Variants in XRCC4 observed in about 807,000 individuals in gnomAD.
The protein encoded by XRCC4 is X-ray repair cross complementing 4, also known as DNA repair protein XRCC4.
A neutral mutation model predicts 39.1 loss-of-function variants in XRCC4; 28 were observed. The observed-to-expected ratio is 0.72, with a 90% CI of 0.53 to 0.98. The LOEUF (loss-of-function observed/expected upper bound fraction) is 0.98, where lower values mean the gene tolerates loss of function less well. Among genes scored for constraint, XRCC4 ranks in the 50% least tolerant of loss-of-function variants. The probability of loss-of-function intolerance (pLI) is 0.00; values close to 1 mark genes in which losing one functional copy is unlikely to be tolerated. For synonymous variants in XRCC4, 123 were observed against 126.4 expected (o/e 0.97, Z 0.18); for missense variants, 350 against 376.4 (o/e 0.93, Z 0.58).
At chr5:83,178,749 A>G (rs907575252) in intron 3 of XRCC4, among the ~76,000 whole-genome samples, 2 of 152,168 alleles carry the variant, frequency 1.3e-5, no homozygotes, top group African/African-American at 4.8e-5. Context: ...GAGTTTGCAA[A>G]TGCTGGAGAG....
At chr5:83,371,732 A>G in the XRCC4 span, among the ~76,000 whole-genome samples, 1 of 152,202 alleles carries the variant, frequency 6.6e-6, no homozygotes, top group African/African-American at 2.4e-5. Context: ...CCATGATAAA[A>G]GGAAGACATT....
intron 7 of XRCC4, among the ~76,000 whole-genome samples, chr5:83,326,190 C>G (rs1008603929): frequency 4.6e-5 from 7 of 152,036 alleles, no homozygotes; most frequent in African/African-American, 1.7e-4. Context: ...AATTTTCACC[C>G]ATTCTGTAGG....
intron 1 of XRCC4, among the ~76,000 whole-genome samples, chr5:83,096,537 G>A (rs535004643): frequency 9.3e-4 from 141 of 152,208 alleles, no homozygotes; most frequent in Middle Eastern, 6.8e-3. Flanking sequence ...TGTGTGTCCA[G>A]GTGCAAGTTT....
At chr5:83,161,057 A>T (rs1749181779) in intron 3 of XRCC4, among the ~76,000 whole-genome samples, 1 of 151,950 alleles carries the variant, frequency 6.6e-6, no homozygotes, top group South Asian at 2.1e-4. Context: ...GAGGAAACTG[A>T]TGCAGTGAAA....
intron 3 of XRCC4, among the ~76,000 whole-genome samples, chr5:83,150,973 A>G (rs1246303431): frequency 1.3e-5 from 2 of 152,094 alleles, no homozygotes; most frequent in African/African-American, 4.8e-5. Flanking sequence ...TTATTCTGGT[A>G]TGATTCCTTT....
chr5:83,129,573 G>T (rs1261689557), intron 3 of XRCC4, among the ~76,000 whole-genome samples: 7 of 151,972 alleles, frequency 4.6e-5, no homozygotes, highest in Non-Finnish European at 1.0e-4. Flanking sequence ...GGGCAGTATG[G>T]CCATTTTCAC....
chr5:83,335,911 A>G (rs899757264), intron 7 of XRCC4, among the ~76,000 whole-genome samples: 3 of 152,034 alleles, frequency 2.0e-5, no homozygotes, highest in Non-Finnish European at 2.9e-5. Context: ...TTAAGTTGCA[A>G]ATCTCCTGTA....
intron 3 of XRCC4, among the ~76,000 whole-genome samples, chr5:83,119,636 T>G (rs1399402789): frequency 1.3e-5 from 2 of 152,210 alleles, no homozygotes; most frequent in Non-Finnish European, 2.9e-5. Flanking sequence ...TCATTATATC[T>G]TAACTTTTTT....
chr5:83,137,436 A>T (rs187759609), intron 3 of XRCC4, among the ~76,000 whole-genome samples: 2 of 152,314 alleles, frequency 1.3e-5, no homozygotes, highest in African/African-American at 4.8e-5. Context: ...AATATTGTTC[A>T]AATTACATAT....
chr5:83,089,955 G>A (rs1486144469), intron 1 of XRCC4, among the ~76,000 whole-genome samples: 1 of 152,152 alleles, frequency 6.6e-6, no homozygotes, highest in Non-Finnish European at 1.5e-5. Flanking sequence ...AGTTATGGTG[G>A]CAGGGGAACA....
In XRCC4 at chr5:83,134,551, T is replaced by G. The variant is rs534593858; in HGVS notation, c.315+23348T>G. 2.6e-5 allele frequency among the ~76,000 whole-genome samples: 4 copies of G among 152,166 alleles called. No individual in the cohort carries two copies. In the South Asian group the frequency reaches 6.2e-4, roughly 24 times the overall value. The stretch of plus-strand genomic sequence containing the variant: ...CTCTCTGTAAAACGTACCAATCAGC[T>G]CTCTGTAAAATGGACCAATCAGCTC... On this transcript the variant is annotated intron_variant, in intron 3 of 7. Transcript: ENST00000396027.
At chr5:83,188,024 G>A (rs189955469) in intron 3 of XRCC4, among the ~76,000 whole-genome samples, 2 of 152,214 alleles carry the variant, frequency 1.3e-5, no homozygotes, top group Admixed American at 1.3e-4. Flanking sequence ...GTTTAGATTG[G>A]TAAAATTAAA....
At chr5:83,266,244 G>T (rs189857920) in intron 7 of XRCC4, among the ~76,000 whole-genome samples, 1 of 150,408 alleles carries the variant, frequency 6.6e-6, no homozygotes, top group Admixed American at 6.7e-5. Flanking sequence ...AAAATAGGAG[G>T]TATATATTTT....
intron 1 of XRCC4, among the ~76,000 whole-genome samples, chr5:83,103,097 G>A (rs1180565735): frequency 2.7e-5 from 4 of 147,198 alleles, no homozygotes; most frequent in African/African-American, 5.1e-5. Context: ...AATGCTAGGT[G>A]TAAAACTCTG....
intron 6 of XRCC4, among the ~76,000 whole-genome samples, chr5:83,208,589 T>C (rs2048215): frequency 0.66 from 100,128 of 151,698 alleles, 33,958 homozygotes; most frequent in East Asian, 0.96. Context: ...CCCACTGCCA[T>C]TAGGATTACT....
chr5:83,299,525 T>C (rs1755203818), intron 7 of XRCC4, among the ~76,000 whole-genome samples: 1 of 152,130 alleles, frequency 6.6e-6, no homozygotes, highest in Admixed American at 6.6e-5. Flanking sequence ...TAACTCCAAT[T>C]AGACTTATGT....
intron 7 of XRCC4, among the ~76,000 whole-genome samples, chr5:83,309,535 G>A (rs1473677134): frequency 2.0e-5 from 3 of 150,792 alleles, no homozygotes; most frequent in Middle Eastern, 3.4e-3. Flanking sequence ...GCCAAGGCGG[G>A]TGGATCACGA....
At chr5:83,367,734 G>A in the XRCC4 span, among the ~76,000 whole-genome samples, 1 of 150,178 alleles carries the variant, frequency 6.7e-6, no homozygotes, top group East Asian at 1.9e-4. Flanking sequence ...GATTACAGGA[G>A]CCCACCACCA....
At chr5:83,189,287 T>A (rs1326676008) in intron 3 of XRCC4, among the ~76,000 whole-genome samples, 1 of 150,792 alleles carries the variant, frequency 6.6e-6, no homozygotes, top group East Asian at 1.9e-4. Context: ...AGTTTTTTTC[T>A]TTTTTTTTGC....
Sources: gnomAD v4.1 joint callset for allele counts (sites outside exome capture counted in the v4.1 genomes callset) on GRCh38, gnomAD v4.1.1 for gene constraint, MANE v1.5 for transcripts, NCBI Gene and HGNC (gene_info 2026-07-23, HGNC 2026-07-21) for gene names.